Variants in CTNNA2 observed in about 807,000 individuals in gnomAD.
CTNNA2 encodes catenin alpha-2.
CTNNA2 carries 42 observed loss-of-function variants against 101.0 expected under a neutral mutation model. That is an observed-to-expected ratio of 0.42 (90% CI 0.32 to 0.54). CTNNA2 has a LOEUF of 0.54. Among genes scored for constraint, CTNNA2 ranks in the 20% least tolerant of loss-of-function variants. The pLI is 0.14. For missense variants in CTNNA2, 871 were observed against 1,223.1 expected (o/e 0.71, Z 4.29); for synonymous variants, 450 against 456.4 (o/e 0.99, Z 0.18).
chr2:79,962,539 C>A (rs1689715068), intron 7 of CTNNA2, among the ~76,000 whole-genome samples: 1 of 152,146 alleles, frequency 6.6e-6, no homozygotes, highest in African/African-American at 2.4e-5. Flanking sequence ...TTTACCATAA[C>A]CACAGATTTA....
chr2:80,632,938 T>TG (rs1672453192), intron 18 of CTNNA2, among the ~76,000 whole-genome samples: 1 of 152,196 alleles, frequency 6.6e-6, no homozygotes, highest in Non-Finnish European at 1.5e-5. Flanking sequence ...CTCAAAGAGA[T>TG]TACAGAGTGT....
chr2:79,289,423 G>A (rs114657099), intron 2 of CTNNA2, among the ~76,000 whole-genome samples: 108 of 152,276 alleles, frequency 7.1e-4, no homozygotes, highest in African/African-American at 2.5e-3. Context: ...AGTTTCCCAT[G>A]GATACATGTG....
intron 8 of CTNNA2, among the ~76,000 whole-genome samples, chr2:80,413,999 C>T: frequency 6.6e-6 from 1 of 152,204 alleles, no homozygotes; most frequent in Non-Finnish European, 1.5e-5. Context: ...TAAACATCAT[C>T]TACCCAGCCT....
intron 7 of CTNNA2, chr2:80,305,453 C>A (rs545173716): frequency 2.3e-6 from 2 of 881,168 alleles, no homozygotes; most frequent in Middle Eastern, 5.8e-4. Flanking sequence ...CTTACCCTGA[C>A]TTGTGCTGTT....
chr2:79,312,779 A>G (rs957905237), exon 3 of CTNNA2: 2 of 152,240 alleles, frequency 1.3e-5, no homozygotes, highest in Non-Finnish European at 2.9e-5. Flanking sequence ...TGAATCACAC[A>G]GCAATCTCAT....
At chr2:79,748,943 C>T (rs1354188985) in intron 3 of CTNNA2, among the ~76,000 whole-genome samples, 1 of 151,924 alleles carries the variant, frequency 6.6e-6, no homozygotes, top group Non-Finnish European at 1.5e-5. Context: ...AAGAAGAGAC[C>T]CAGAGCCAGC....
intron 4 of CTNNA2, among the ~76,000 whole-genome samples, chr2:79,452,971 G>T (rs1200459805): frequency 1.3e-5 from 2 of 152,036 alleles, no homozygotes; most frequent in African/African-American, 4.8e-5. Context: ...ACCATCCTCT[G>T]CCATATCAAA....
At chr2:79,403,810 T>C (rs140902080) in intron 4 of CTNNA2, among the ~76,000 whole-genome samples, 133 of 152,086 alleles carry the variant, frequency 8.7e-4, no homozygotes, top group African/African-American at 3.0e-3. Context: ...AGAAACTTCA[T>C]TGAGTGTTGA....
intron 3 of CTNNA2, among the ~76,000 whole-genome samples, chr2:79,801,280 G>A (rs1676132964): frequency 6.6e-6 from 1 of 152,172 alleles, no homozygotes; most frequent in African/African-American, 2.4e-5. Flanking sequence ...GCTGCAGCCA[G>A]TTTCTCTTGC....
At chr2:79,714,490 C>T (rs923946781) in intron 2 of CTNNA2, among the ~76,000 whole-genome samples, 4 of 152,152 alleles carry the variant, frequency 2.6e-5, no homozygotes, top group Admixed American at 6.5e-5. Flanking sequence ...TATGCTGGCT[C>T]AACCTAAGAA....
At chr2:80,621,409 T>C (rs1438303008) in intron 18 of CTNNA2, among the ~76,000 whole-genome samples, 1 of 151,988 alleles carries the variant, frequency 6.6e-6, no homozygotes, top group African/African-American at 2.4e-5. Context: ...ATTTGGTTAA[T>C]AATAGATGTG....
chr2:79,331,579 A>G (rs1302015228), intron 3 of CTNNA2, among the ~76,000 whole-genome samples: 3 of 152,132 alleles, frequency 2.0e-5, no homozygotes, highest in African/African-American at 4.8e-5. Flanking sequence ...ACGGACCCAG[A>G]TCCTCACAGT....
intron 3 of CTNNA2, among the ~76,000 whole-genome samples, chr2:79,366,385 A>T (rs1170392589): frequency 2.6e-5 from 4 of 152,114 alleles, no homozygotes; most frequent in Non-Finnish European, 5.9e-5. Context: ...AGGAACAATG[A>T]CCTATTTTTC....
At chr2:80,344,660 A>G (rs1031272982) in intron 7 of CTNNA2, among the ~76,000 whole-genome samples, 3 of 151,942 alleles carry the variant, frequency 2.0e-5, no homozygotes, top group African/African-American at 7.3e-5. Flanking sequence ...ATCTTTTTGT[A>G]TTTTTTGTAG....
intron 3 of CTNNA2, among the ~76,000 whole-genome samples, chr2:79,749,225 C>T (rs1671844747): frequency 6.6e-6 from 1 of 152,120 alleles, no homozygotes; most frequent in East Asian, 1.9e-4. Context: ...GGGCCACTCC[C>T]AGATTCCCTA....
chr2:79,313,194 A>G (rs1490821358), intron 3 of CTNNA2, among the ~76,000 whole-genome samples: 1 of 152,112 alleles, frequency 6.6e-6, no homozygotes, highest in Non-Finnish European at 1.5e-5. Context: ...CAGGCTTCAT[A>G]TGTGTGTAAT....
intron 4 of CTNNA2, among the ~76,000 whole-genome samples, chr2:79,866,926 C>T (rs570536317): frequency 7.9e-5 from 12 of 152,244 alleles, no homozygotes; most frequent in Middle Eastern, 3.4e-3. Context: ...AAATAGCTTG[C>T]CCTGGATCAC....
At chr2:80,580,021 A>C (rs1695390931) in intron 13 of CTNNA2, among the ~76,000 whole-genome samples, 1 of 152,202 alleles carries the variant, frequency 6.6e-6, no homozygotes, top group Non-Finnish European at 1.5e-5. Flanking sequence ...TCTCACACTG[A>C]TTCACTCACT....
chr2:80,621,252 G>T (rs1307465389), intron 18 of CTNNA2, among the ~76,000 whole-genome samples: 2 of 151,836 alleles, frequency 1.3e-5, no homozygotes, highest in Non-Finnish European at 2.9e-5. Context: ...TGGTTTTATG[G>T]TATATTATTG....
Sources: allele counts gnomAD v4.1 joint callset (sites outside exome capture counted in the v4.1 genomes callset), GRCh38; gene constraint gnomAD v4.1.1; transcripts MANE v1.5; gene names NCBI Gene and HGNC (gene_info 2026-07-23, HGNC 2026-07-21).